Variants in NLRP3 observed in about 807,000 individuals in gnomAD.
NLRP3 encodes NLR family pyrin domain containing 3.
Under a neutral mutation model 91.3 loss-of-function variants are expected in NLRP3, and 48 were observed. The observed-to-expected ratio is 0.53, with a 90% CI of 0.42 to 0.67. The LOEUF (loss-of-function observed/expected upper bound fraction) is 0.67. Ranked by LOEUF, NLRP3 falls within the 30% of genes least tolerant of loss-of-function variation. NLRP3 has a pLI of 0.00. For synonymous variants in NLRP3, 561 were observed against 507.9 expected, an observed-to-expected ratio of 1.10 and a Z score of -1.41; for missense variants, 982 against 1,276.9, an observed-to-expected ratio of 0.77 and a Z score of 3.52.
At chr1:247,423,816 CT>C (rs1273648630) in intron 3 of NLRP3, 30 bp from the exon 4 acceptor site, 1 of 1,600,884 alleles carries the variant, frequency 6.2e-7, no homozygotes, top group African/African-American at 1.3e-5. Flanking sequence ...TGTGTGTATA[CT>C]TTCCCCCTAA....
intron 5 of NLRP3, among the ~76,000 whole-genome samples, chr1:247,432,812 A>G (rs1663434308): frequency 6.6e-6 from 1 of 152,034 alleles, no homozygotes; most frequent in South Asian, 2.1e-4. Context: ...GATAAAGTAT[A>G]GTTTTTGTTG....
intron 9 of NLRP3, among the ~76,000 whole-genome samples, chr1:247,447,573 GGAA>G (rs1664664184): frequency 6.6e-6 from 1 of 152,196 alleles, no homozygotes; most frequent in Admixed American, 6.5e-5. Flanking sequence ...TTAAAGAGGA[GGAA>G]GAACTTACAT....
intron 7 of NLRP3, among the ~76,000 whole-genome samples, chr1:247,436,913 T>C (rs1405854024): frequency 2.6e-5 from 4 of 152,256 alleles, no homozygotes; most frequent in Non-Finnish European, 4.4e-5. Context: ...ATGGATTTTC[T>C]CAGTTGGCTT....
At chr1:247,444,569 A>T (rs1440330712) in intron 8 of NLRP3, 82 bp from the exon 9 acceptor site, 11 of 1,486,360 alleles carry the variant, frequency 7.4e-6, no homozygotes. Context: ...ACCTGAAACA[A>T]GACAGGCTAA....
chr1:247,425,278 T>C lies in NLRP3; in HGVS notation c.1829T>C (p.Ile610Thr), dbSNP rs1572173298. The change falls in exon 4 of 10, where the codon ATT (isoleucine) becomes ACT (threonine). Residue 610 changes from isoleucine to threonine, a missense_variant. Physicochemically the swap from Ile to Thr is moderately conservative, Grantham distance 89. This residue lies in a region of NLRP3 where 32 missense variants were observed against 60.3 expected (regional missense o/e 0.53). Transcript: ENST00000336119. This position sits in a 1 kb window ranked among gnomAD's most constrained non-coding sequence, Gnocchi z 4.1. ...ATCAGGCTGGAGCTGCTGAAATGGA[T>C]TGAAGTGAAAGCCAAAGCTAAAAAG... ...QQIRLELLKW[I>T]EVKAKAKKLQ... 3 of 1,614,154 alleles carry C rather than the reference T, an allele frequency of 1.9e-6. No individual in the cohort carries two copies. The highest frequency in any genetic ancestry group is 1.1e-5 in the South Asian group (1 of 91,082).
intron 5 of NLRP3, among the ~76,000 whole-genome samples, chr1:247,431,212 A>AATAATAATAATAATAATAATAATAAT (rs547689900): frequency 1.3e-5 from 2 of 150,436 alleles, no homozygotes; most frequent in African/African-American, 4.9e-5. Context: ...ATAATAATAA[A>AATAATAATAATAATAATAATAATAAT]AAATGTGCTT....
In NLRP3 at chr1:247,424,327, C is replaced by T. The variant is rs372347924; in HGVS notation, c.878C>T (p.Ser293Phe). The stretch of plus-strand genomic sequence containing the variant: ...ATCCACAAGATCGTGAGAAAACCCT[C>T]CAGAATCCTCTTCCTCATGGACGGC... ...PPIHKIVRKP[S>F]RILFLMDGFD... is the part of the protein sequence containing the mutation. Residue 293 changes from serine (S) to phenylalanine (F), a missense_variant, in exon 4 of 10, where the codon TCC becomes TTC. Ser to Phe is a radical substitution (Grantham distance 155). This residue lies in a region of NLRP3 where 548 missense variants were observed against 713.7 expected (regional missense o/e 0.77). Transcript: ENST00000336119. This position sits in a 1 kb window ranked among gnomAD's most constrained non-coding sequence, Gnocchi z 8.1. 1.8e-5 allele frequency: 29 copies of T among 1,613,836 alleles called. No homozygotes were observed. The highest frequency in any genetic ancestry group is 2.4e-5 in the Non-Finnish European group (28 of 1,179,928).
At chr1:247,448,138 G>C (rs963295958) in intron 9 of NLRP3, among the ~76,000 whole-genome samples, 1 of 151,804 alleles carries the variant, frequency 6.6e-6, no homozygotes, top group Non-Finnish European at 1.5e-5. Flanking sequence ...TCCCAGTGAC[G>C]AAGGACACGA....
In NLRP3 at chr1:247,444,084, G is replaced by A; in HGVS notation, c.2776G>A (p.Gly926Arg). 1 of 1,614,168 alleles carries A rather than the reference G, an allele frequency of 6.2e-7. No individual in the cohort carries two copies. Among genetic ancestry groups the A allele is most frequent in the South Asian group, 1.1e-5 (1 of 91,078 alleles). Residue 926 changes from glycine (G) to arginine (R), a missense_variant, in exon 8 of 10, where the codon GGG (glycine) becomes AGG (arginine). Physicochemically the swap from Gly to Arg is moderately radical, Grantham distance 125 (BLOSUM62 -2). This residue lies in a region of NLRP3 where 373 missense variants were observed against 431.5 expected (regional missense o/e 0.86). Transcript: ENST00000336119. ...YLRGNTLGDK[G>R]IKLLCEGLLH... Reference sequence around the variant, plus strand: ...GCGAGGCAACACTCTCGGAGACAAGGGGATCAAACTACTCTGTGAGGGACT... The same window carrying A: ...GCGAGGCAACACTCTCGGAGACAAGAGGATCAAACTACTCTGTGAGGGACT...
rs181287974 is a variant in NLRP3, at chr1:247,430,663, A to G, written c.2321+908A>G. 6.4e-3 allele frequency among the ~76,000 whole-genome samples: 981 copies of G among 152,300 alleles called. 6 individuals carry two copies. Among genetic ancestry groups the G allele is most frequent in the African/African-American group, 0.023 (947 of 41,560 alleles). On this transcript the variant is annotated intron_variant, in intron 5 of 9. Coordinates refer to ENST00000336119, the MANE Select transcript of NLRP3 (RefSeq NM_001243133.2). ...TAAAAAAAAAGTCATTTCTTGAAAC[A>G]ACCATGATGCTCGATATATTCCATT...
intron 9 of NLRP3, among the ~76,000 whole-genome samples, chr1:247,447,437 G>A (rs566325240): frequency 6.6e-6 from 1 of 152,238 alleles, no homozygotes; most frequent in South Asian, 2.1e-4. Flanking sequence ...TTAGGGGTTC[G>A]GGCTTCATCA....
chr1:247,433,295 C>G (rs1663483737), intron 5 of NLRP3, among the ~76,000 whole-genome samples: 1 of 152,150 alleles, frequency 6.6e-6, no homozygotes, highest in Non-Finnish European at 1.5e-5. Flanking sequence ...TCGTCAAACA[C>G]AATGGGGTGA....
intron 9 of NLRP3, among the ~76,000 whole-genome samples, chr1:247,445,263 T>G (rs895094176): frequency 1.3e-5 from 2 of 152,118 alleles, no homozygotes; most frequent in Admixed American, 1.3e-4. Flanking sequence ...TGCAGTGGCA[T>G]GATCTCGGCT....
intron 3 of NLRP3, 110 bp from the exon 4 acceptor site, chr1:247,423,737 C>G (rs1274497218): frequency 1.0e-6 from 1 of 971,966 alleles, no homozygotes. Flanking sequence ...GCTGCACCTT[C>G]CATTTCTCCA....
At chr1:247,427,950 C>G (rs1663022892) in intron 4 of NLRP3, among the ~76,000 whole-genome samples, 1 of 118,230 alleles carries the variant, frequency 8.5e-6, no homozygotes, top group African/African-American at 3.5e-5. Flanking sequence ...CTCTAGATAG[C>G]ACCTTCCTTC....
rs1297130802 is a variant in NLRP3, at chr1:247,444,033, A to G, written c.2725A>G (p.Asn909Asp). ...CSALSSVLST[N>D]QNLTHLYLRG... The stretch of plus-strand genomic sequence containing the variant: ...AGCTTTGTCCTCGGTACTCAGCACT[A>G]ATCAGAATCTCACGCACCTTTACCT... The change falls in exon 8 of 10, where the codon AAT becomes GAT. Residue 909 changes from asparagine (N) to aspartate (D), a missense_variant. Coordinates refer to ENST00000336119, the MANE Select transcript of NLRP3 (RefSeq NM_001243133.2). 1 of 1,614,172 alleles carries G rather than the reference A, an allele frequency of 6.2e-7. No homozygotes were observed. Among genetic ancestry groups the G allele is most frequent in the Admixed American group, 1.7e-5 (1 of 60,020 alleles).
intron 5 of NLRP3, among the ~76,000 whole-genome samples, chr1:247,431,721 G>A (rs1354657386): frequency 6.6e-6 from 1 of 152,204 alleles, no homozygotes; most frequent in East Asian, 1.9e-4. Context: ...ACAAAAGTAA[G>A]ATGGTCCTTT....
intron 7 of NLRP3, 29 bp from the exon 8 acceptor site, chr1:247,443,943 T>C: frequency 1.2e-6 from 2 of 1,612,140 alleles, no homozygotes; most frequent in Non-Finnish European, 1.7e-6. Flanking sequence ...AGCTGGGTAC[T>C]GAGGACTCTT....
chr1:247,423,548 G>A (rs979284449), intron 3 of NLRP3, among the ~76,000 whole-genome samples, 199 bp downstream of exon 3: 6 of 152,072 alleles, frequency 3.9e-5, no homozygotes, highest in African/African-American at 9.7e-5. Flanking sequence ...AGCCAGCGGC[G>A]GTGATTAAGC....
Sources: gnomAD v4.1 joint callset for allele counts (sites outside exome capture counted in the v4.1 genomes callset) on GRCh38, gnomAD v4.1.1 for gene constraint, gnomAD v4.1.1 regional missense constraint, Gnocchi (gnomAD v3.1) non-coding constraint, MANE v1.5 for transcripts, NCBI Gene and HGNC (gene_info 2026-07-23, HGNC 2026-07-21) for gene names.